The following CFAP20 variants were observed in gnomAD, a reference collection of about 807,000 sequenced individuals.
CFAP20 encodes cilia and flagella associated protein 20.
CFAP20 carries 14 observed loss-of-function variants against 25.5 expected under a neutral mutation model. The observed-to-expected ratio is 0.55, with a 90% CI of 0.36 to 0.86. The LOEUF (loss-of-function observed/expected upper bound fraction) is 0.86. Among genes scored for constraint, CFAP20 ranks in the 40% least tolerant of loss-of-function variants. CFAP20 has a pLI of 0.01. For synonymous variants in CFAP20, 75 were observed against 91.1 expected (o/e 0.82, Z 1.01); for missense variants, 181 against 248.0 (o/e 0.73, Z 1.81).
intron 1 of CFAP20, among the ~76,000 whole-genome samples, chr16:58,121,672 T>C (rs1426485481): frequency 6.6e-6 from 1 of 152,048 alleles, no homozygotes; most frequent in Non-Finnish European, 1.5e-5. Context: ...ACAACAGAGG[T>C]GACCAAAGCT....
At chr16:58,127,544 C>T (rs535614019) in intron 1 of CFAP20, among the ~76,000 whole-genome samples, 4 of 152,364 alleles carry the variant, frequency 2.6e-5, no homozygotes, top group Admixed American at 6.5e-5. Context: ...TCCCAGGCAC[C>T]CTGGGCTCTC....
At chr16:58,127,736 G>A (rs1960637031) in intron 1 of CFAP20, among the ~76,000 whole-genome samples, 1 of 152,132 alleles carries the variant, frequency 6.6e-6, no homozygotes, top group African/African-American at 2.4e-5. Flanking sequence ...CATACACAAA[G>A]GCCCAACTTC....
At position 58,115,286 on chromosome 16, in the gene CFAP20, C is replaced by T. The variant is rs764006782; in HGVS notation, c.448G>A (p.Glu150Lys). ...TRRAYGTNYI[E>K]TLRVQIHANC... ...AGCAGTACCTGCACTCTGAGGGTCT[C>T]GATGTAATTGGTGCCGTATGCTCGC... The change falls in exon 4 of 6, where the codon GAG becomes AAG. Residue 150 changes from glutamate to lysine, a missense_variant. By Grantham distance (56) the Glu-to-Lys change is moderately conservative (BLOSUM62 1). Transcript: ENST00000262498. 6.8e-6 allele frequency: 11 copies of T among 1,614,030 alleles called. No homozygotes were observed. The highest frequency in any genetic ancestry group is 1.1e-5 in the South Asian group (1 of 91,076).
intron 5 of CFAP20, 93 bp from the exon 6 acceptor site, chr16:58,114,123 GT>G: frequency 7.5e-7 from 1 of 1,333,654 alleles, no homozygotes; most frequent in Non-Finnish European, 1.1e-6. Flanking sequence ...TGACACTTGA[GT>G]GGACAGTGAC....
At chr16:58,128,840 C>G (rs1272071524) in intron 1 of CFAP20, among the ~76,000 whole-genome samples, 192 bp downstream of exon 1, 2 of 147,176 alleles carry the variant, frequency 1.4e-5, no homozygotes, top group Non-Finnish European at 3.0e-5. Flanking sequence ...CCGCCCCCCC[C>G]CCACCTCCTC....
chr16:58,124,365 C>T (rs1416741898), intron 1 of CFAP20, among the ~76,000 whole-genome samples: 2 of 152,192 alleles, frequency 1.3e-5, no homozygotes, highest in Admixed American at 6.5e-5. Context: ...TATGTCATTA[C>T]TTATAAAGTA....
Position 58,115,370 on chromosome 16 carries a change from G to A in CFAP20, c.364C>T (p.Pro122Ser), listed in dbSNP as rs1268119185. ...TRVKPFICTMPMRLDDGWNQI... is the reference protein window; with the variant it reads ...TRVKPFICTMSMRLDDGWNQI... ...TTCCAGCCGTCATCCAGCCGCATGG[G>A]CATGGTGCAGATGAAGGGTTTGACC... is the stretch of plus-strand genomic sequence containing the variant. The change falls in exon 4 of 6, where the codon CCC (proline) becomes TCC (serine). Residue 122 changes from proline (P) to serine (S), a missense_variant. Transcript: ENST00000262498. 5.0e-6 allele frequency: 8 copies of A among 1,614,240 alleles called. No homozygotes were observed. Among genetic ancestry groups the A allele is most frequent in the Non-Finnish European group, 5.9e-6 (7 of 1,180,052 alleles).
intron 1 of CFAP20, among the ~76,000 whole-genome samples, chr16:58,121,313 G>T (rs1960531488): frequency 6.6e-6 from 1 of 152,174 alleles, no homozygotes; most frequent in Non-Finnish European, 1.5e-5. Flanking sequence ...TTCCAGTTCA[G>T]AGGTCACTGG....
At chr16:58,126,309 A>G (rs1255503292) in intron 1 of CFAP20, among the ~76,000 whole-genome samples, 1 of 152,186 alleles carries the variant, frequency 6.6e-6, no homozygotes, top group African/African-American at 2.4e-5. Flanking sequence ...GAAGGATGAG[A>G]TGGAGGGGAG....
intron 1 of CFAP20, among the ~76,000 whole-genome samples, chr16:58,128,266 C>T (rs1310057083): frequency 6.6e-6 from 1 of 152,036 alleles, no homozygotes; most frequent in Non-Finnish European, 1.5e-5. Context: ...CTAGTGGATG[C>T]CTGAATAAAG....
intron 4 of CFAP20, 24 bp downstream of exon 4, chr16:58,115,245 C>G (rs191235633): frequency 2.4e-5 from 39 of 1,613,768 alleles, no homozygotes; most frequent in Non-Finnish European, 3.2e-5. Context: ...CAACCCAGGG[C>G]TCTATCTGGG....
At chr16:58,121,329 C>T (rs1033086850) in intron 1 of CFAP20, among the ~76,000 whole-genome samples, 3 of 152,144 alleles carry the variant, frequency 2.0e-5, no homozygotes, top group Admixed American at 2.0e-4. Flanking sequence ...ACTGGGCAGG[C>T]GTGGCTTTGG....
chr16:58,113,815 C>T lies in CFAP20; in HGVS notation c.*210G>A. 5.0e-6 allele frequency: 3 copies of T among 595,726 alleles called. No homozygotes were observed. Among genetic ancestry groups the T allele is most frequent in the Non-Finnish European group, 6.0e-6 (2 of 333,754 alleles). 36.9% of individuals were successfully genotyped at this position (595,726 alleles called of 1,614,324 possible). ...TAAGCTCCAGCGTTCATGCGCCACTCACAGGACTGCTTACCCCCACTGCAC... is the reference window on the plus strand; with the variant it reads ...TAAGCTCCAGCGTTCATGCGCCACTTACAGGACTGCTTACCCCCACTGCAC... On this transcript the variant is annotated 3_prime_UTR_variant, in exon 6 of 6. Transcript: ENST00000262498.
In CFAP20 at chr16:58,115,454, G is replaced by A; in HGVS notation, c.280C>T (p.Leu94=). The change falls in exon 4 of 6, where the codon CTA becomes TTA. Residue 94 remains leucine, a synonymous_variant. Transcript: ENST00000262498. Reference sequence around the variant, plus strand: ...CGACGACGCACATTCTTGTCATCTAGTACCTGTGAAATACAGAGAAGAAGC... The same window carrying A: ...CGACGACGCACATTCTTGTCATCTAATACCTGTGAAATACAGAGAAGAAGC... ...KKYFTFEVQV[L]DDKNVRRRFR... is the part of the protein sequence containing the mutation. The A allele has an allele frequency of 6.2e-7, 1 of 1,614,104 alleles. No homozygotes were observed. Among genetic ancestry groups the A allele is most frequent in the South Asian group, 1.1e-5 (1 of 91,066 alleles).
chr16:58,121,532 A>G (rs1471943659), intron 1 of CFAP20, among the ~76,000 whole-genome samples: 2 of 152,260 alleles, frequency 1.3e-5, no homozygotes, highest in African/African-American at 2.4e-5. Context: ...AAATAAAAAT[A>G]AAAATCTAAA....
chr16:58,114,790 T>C lies in CFAP20; in HGVS notation c.576+20A>G. On this transcript the variant is annotated intron_variant, in intron 5 of 5. Coordinates refer to ENST00000262498, the MANE Select transcript of CFAP20 (RefSeq NM_013242.3). ...CCCCCCACTCACTGGTGGACCTTCC[T>C]CTGGGGAAGACTGGCTTACCTTTGC... is the stretch of plus-strand genomic sequence containing the variant. 5.7e-6 allele frequency: 9 copies of C among 1,587,444 alleles called. No homozygotes were observed. Among genetic ancestry groups the C allele is most frequent in the Non-Finnish European group, 7.8e-6 (9 of 1,155,952 alleles).
Position 58,114,018 on chromosome 16 carries a change from A to G in CFAP20, c.*7T>C, listed in dbSNP as rs1597085538. The G allele has an allele frequency of 5.0e-6, 8 of 1,613,662 alleles. No individual in the cohort carries two copies. Among genetic ancestry groups the G allele is most frequent in the Middle Eastern group, 1.7e-4 (1 of 6,060 alleles). On this transcript the variant is annotated 3_prime_UTR_variant, in exon 6 of 6. Coordinates refer to ENST00000262498, the MANE Select transcript of CFAP20 (RefSeq NM_013242.3). ...CCAGGGGTCTATCCCTCGAGTCACA[A>G]TTCCAGTTATTGCTGAAGGGAAAAA...
intron 1 of CFAP20, among the ~76,000 whole-genome samples, chr16:58,117,594 G>A (rs868139969): frequency 3.3e-5 from 5 of 151,208 alleles, no homozygotes; most frequent in East Asian, 2.0e-4. Flanking sequence ...ATGCCCAGCC[G>A]ATTTTTTTTT....
Position 58,113,999 on chromosome 16 carries a change from G to A in CFAP20, c.*26C>T, listed in dbSNP as rs1486578215. 2.5e-6 allele frequency: 4 copies of A among 1,610,050 alleles called. No individual in the cohort carries two copies. The highest frequency in any genetic ancestry group is 1.7e-5 in the Admixed American group (1 of 59,992). On this transcript the variant is annotated 3_prime_UTR_variant, in exon 6 of 6. Transcript: ENST00000262498. Reference sequence around the variant, plus strand: ...TTAAAAAGAAGAGTCACATCCAGGGGTCTATCCCTCGAGTCACAATTCCAG... The same window carrying A: ...TTAAAAAGAAGAGTCACATCCAGGGATCTATCCCTCGAGTCACAATTCCAG...
Sources: gnomAD v4.1 joint callset for allele counts (sites outside exome capture counted in the v4.1 genomes callset) on GRCh38, gnomAD v4.1.1 for gene constraint, MANE v1.5 for transcripts, NCBI Gene and HGNC (gene_info 2026-07-23, HGNC 2026-07-21) for gene names.